Variants in SORT1 observed in about 807,000 individuals in gnomAD.
The protein encoded by SORT1 is sortilin.
Under a neutral mutation model 101.7 loss-of-function variants are expected in SORT1, and 39 were observed. The ratio of observed to expected loss-of-function variants is 0.38; its 90% CI spans 0.30 to 0.50. The LOEUF is 0.50. SORT1 is among the 20% of genes least tolerant of loss of function. The probability of loss-of-function intolerance (pLI) is 0.90; values close to 1 mark genes in which losing one functional copy is unlikely to be tolerated. For synonymous variants in SORT1, 396 were observed against 393.7 expected, an observed-to-expected ratio of 1.01 and a Z score of -0.07; for missense variants, 878 against 1,040.4, an observed-to-expected ratio of 0.84 and a Z score of 2.15.
chr1:109,322,489 T>C (rs1647699023), intron 15 of SORT1, among the ~76,000 whole-genome samples: 1 of 152,210 alleles, frequency 6.6e-6, no homozygotes, highest in Non-Finnish European at 1.5e-5. Context: ...TGCCTCAGCT[T>C]CCTTGATAAG....
At chr1:109,376,066 G>A (rs533723919) in intron 1 of SORT1, among the ~76,000 whole-genome samples, 1 of 152,328 alleles carries the variant, frequency 6.6e-6, no homozygotes, top group South Asian at 2.1e-4. Context: ...TAAAGGGCCG[G>A]GCGTGGTGGC....
intron 1 of SORT1, among the ~76,000 whole-genome samples, chr1:109,387,478 G>A (rs1007474370): frequency 6.6e-6 from 1 of 152,044 alleles, no homozygotes; most frequent in African/African-American, 2.4e-5. Flanking sequence ...GGGTGACACA[G>A]TAAAGACCAT....
At chr1:109,347,912 C>T (rs1369396633) in intron 6 of SORT1, among the ~76,000 whole-genome samples, 2 of 152,194 alleles carry the variant, frequency 1.3e-5, no homozygotes, top group Non-Finnish European at 2.9e-5. Flanking sequence ...ACAGGACGGT[C>T]CTCCACAATA....
Position 109,379,770 on chromosome 1 carries a change from T to C in SORT1, c.307-10181A>G, listed in dbSNP as rs1652103884. Among the ~76,000 whole-genome samples, 5 of 152,214 alleles carry C rather than the reference T, an allele frequency of 3.3e-5. No homozygotes were observed. In the South Asian group the frequency reaches 1.0e-3, roughly 32 times the overall value. On this transcript the variant is annotated intron_variant, in intron 1 of 19. Transcript: ENST00000256637. ...AGTTACTGGCGCAGGAATAGACTAA[T>C]CAATAGAGCAAAACAGATCCAGGAA... is the stretch of plus-strand genomic sequence containing the variant.
At chr1:109,372,908 A>AG (rs560300903) in intron 1 of SORT1, among the ~76,000 whole-genome samples, 1 of 151,492 alleles carries the variant, frequency 6.6e-6, no homozygotes, top group African/African-American at 2.4e-5. Flanking sequence ...CAAAAAAAAA[A>AG]AAAAAAGATA....
At chr1:109,336,494 T>C in intron 10 of SORT1, 148 bp from the exon 11 acceptor site, 1 of 627,434 alleles carries the variant, frequency 1.6e-6, no homozygotes, top group Non-Finnish European at 2.9e-6. Flanking sequence ...TCATTGTTGG[T>C]AACGGAGCAG....
At chr1:109,340,680 A>T (rs1649152583) in intron 10 of SORT1, 44 bp downstream of exon 10, 3 of 1,605,838 alleles carry the variant, frequency 1.9e-6, no homozygotes, top group Non-Finnish European at 2.6e-6. Context: ...ATCCTACCAC[A>T]TGCAGCTGAA....
In SORT1 at chr1:109,313,268, T is replaced by C. The variant is rs1658830316; in HGVS notation, c.*775A>G. The C allele has an allele frequency of 6.5e-6, 1 of 152,708 alleles. No homozygotes were observed. Among genetic ancestry groups the C allele is most frequent in the Non-Finnish European group, 1.5e-5 (1 of 68,070 alleles). 9.5% of individuals were successfully genotyped at this position (152,708 alleles called of 1,614,324 possible). On this transcript the variant is annotated 3_prime_UTR_variant, in exon 20 of 20. Coordinates refer to ENST00000256637, the MANE Select transcript of SORT1 (RefSeq NM_002959.7). ...AATCTCAGAAGAAGCAAGAGTTCTC[T>C]TTTAATAGGTGCTATATCTAGTCAA...
chr1:109,370,098 GC>G (rs1392597385), intron 1 of SORT1, among the ~76,000 whole-genome samples: 1 of 152,118 alleles, frequency 6.6e-6, no homozygotes, highest in Non-Finnish European at 1.5e-5. Flanking sequence ...AGAAGCAAAT[GC>G]CTTTGTTTCA....
At chr1:109,395,828 A>G (rs945353506) in intron 1 of SORT1, among the ~76,000 whole-genome samples, 2 of 152,182 alleles carry the variant, frequency 1.3e-5, no homozygotes, top group African/African-American at 4.8e-5. Flanking sequence ...TAATCTCAGC[A>G]CTGTGGCAGG....
At chr1:109,388,230 C>T (rs4970752) in intron 1 of SORT1, among the ~76,000 whole-genome samples, 97,897 of 151,758 alleles carry the variant, frequency 0.65, 33,486 homozygotes, top group East Asian at 0.96. Flanking sequence ...ACTACCTACC[C>T]CTAATAAATT....
In SORT1 at chr1:109,341,909, T is replaced by C. The variant is rs1260008320; in HGVS notation, c.1108+105A>G. 2.8e-6 allele frequency: 3 copies of C among 1,073,274 alleles called. No individual in the cohort carries two copies. The African/African-American group carries it at 4.7e-5, about 17-fold the overall frequency. The allele number at this position is 1,073,274 out of a possible 1,614,324, so 66.5% of individuals were successfully genotyped here. A position where few individuals can be genotyped will look rare whatever the true frequency, so the allele number is the denominator to read the frequency against. ...TAGGACAGAAAAATCAGTAGGGCACTAATAAATTTCTAGGGGTAAGAGGAA... is the reference window on the plus strand; with the variant it reads ...TAGGACAGAAAAATCAGTAGGGCACCAATAAATTTCTAGGGGTAAGAGGAA... On this transcript the variant is annotated intron_variant, in intron 9 of 19. Transcript: ENST00000256637.
chr1:109,319,743 T>G (rs1294417504), intron 15 of SORT1, among the ~76,000 whole-genome samples: 1 of 151,838 alleles, frequency 6.6e-6, no homozygotes, highest in African/African-American at 2.4e-5. Flanking sequence ...GGTGTGTGCC[T>G]ATAATCCCAG....
intron 1 of SORT1, chr1:109,393,177 C>G: frequency 3.0e-6 from 3 of 985,506 alleles, no homozygotes; most frequent in Non-Finnish European, 3.6e-6. Flanking sequence ...CACACGCATT[C>G]TTCCCAGAGC....
chr1:109,323,129 A>C lies in SORT1; in HGVS notation c.1835-8T>G, dbSNP rs1210952140. The C allele has an allele frequency of 6.2e-7, 1 of 1,610,576 alleles. No individual in the cohort carries two copies. The highest frequency in any genetic ancestry group is 1.3e-5 in the African/African-American group (1 of 74,888). ...TATAGTCCTTCTCTTCACCTAAAGGAGAGACACACTGTTCAGGAAAGTACA... is the reference window on the plus strand; with the variant it reads ...TATAGTCCTTCTCTTCACCTAAAGGCGAGACACACTGTTCAGGAAAGTACA... On this transcript the variant is annotated splice_polypyrimidine_tract_variant and splice_region_variant and intron_variant, in intron 14 of 19. Transcript: ENST00000256637.
At chr1:109,347,338 T>C (rs915448819) in intron 7 of SORT1, 145 bp downstream of exon 7, 7 of 582,426 alleles carry the variant, frequency 1.2e-5, no homozygotes, top group Non-Finnish European at 2.2e-5. Flanking sequence ...ACTTTCAAGA[T>C]TTTAATAACC....
At chr1:109,324,070 T>A (rs1473387175) in intron 14 of SORT1, among the ~76,000 whole-genome samples, 1 of 152,224 alleles carries the variant, frequency 6.6e-6, no homozygotes, top group South Asian at 2.1e-4. Flanking sequence ...TTAAGTCTTT[T>A]ATTGTATTAT....
intron 17 of SORT1, among the ~76,000 whole-genome samples, chr1:109,315,307 G>C (rs1658963985): frequency 6.6e-6 from 1 of 152,058 alleles, no homozygotes; most frequent in Non-Finnish European, 1.5e-5. Flanking sequence ...ACCTGCTTCT[G>C]GGTGGGAAAT....
intron 1 of SORT1, among the ~76,000 whole-genome samples, chr1:109,390,440 C>G (rs1474813166): frequency 6.6e-6 from 1 of 152,006 alleles, no homozygotes. Flanking sequence ...AGCTGCTGCT[C>G]TAGTTTAAAA....
Sources: allele counts gnomAD v4.1 joint callset (sites outside exome capture counted in the v4.1 genomes callset), GRCh38; gene constraint gnomAD v4.1.1; transcripts MANE v1.5; gene names NCBI Gene and HGNC (gene_info 2026-07-23, HGNC 2026-07-21).